Variants in MTTP observed in about 807,000 individuals in gnomAD.
MTTP encodes the protein microsomal triglyceride transfer protein.
Under a neutral mutation model 90.6 loss-of-function variants are expected in MTTP, and 49 were observed. The ratio of observed to expected loss-of-function variants is 0.54; its 90% CI spans 0.43 to 0.69. MTTP has a LOEUF of 0.69. Ranked by LOEUF, MTTP falls within the 30% of genes least tolerant of loss-of-function variation. MTTP has a pLI of 0.00. For missense variants in MTTP, 945 were observed against 1,067.5 expected, an observed-to-expected ratio of 0.89 and a Z score of 1.60; for synonymous variants, 347 against 384.2, an observed-to-expected ratio of 0.90 and a Z score of 1.13.
At chr4:99,592,235 T>A (rs1407357492) in intron 6 of MTTP, among the ~76,000 whole-genome samples, 1 of 152,194 alleles carries the variant, frequency 6.6e-6, no homozygotes. Flanking sequence ...TCTGGATGAA[T>A]CACCAAATGA....
At chr4:99,599,190 G>A (rs754301145) in intron 8 of MTTP, among the ~76,000 whole-genome samples, 22 of 152,148 alleles carry the variant, frequency 1.4e-4, no homozygotes, top group Non-Finnish European at 3.1e-4. Context: ...ATGAAACCTT[G>A]TTAATTTCTC....
At chr4:99,570,000 TC>T (rs1374339780), upstream of MTTP, among the ~76,000 whole-genome samples, 1 of 151,932 alleles carries the variant, frequency 6.6e-6, no homozygotes, top group African/African-American at 2.4e-5. Flanking sequence ...ACCACAAAGT[TC>T]CTTGTGACAC....
At chr4:99,604,202 C>T (rs949632270) in intron 10 of MTTP, among the ~76,000 whole-genome samples, 1 of 152,052 alleles carries the variant, frequency 6.6e-6, no homozygotes, top group Non-Finnish European at 1.5e-5. Context: ...TTTAAGGTAG[C>T]TACTGGGCAC....
chr4:99,607,102 T>G (rs1254238798), intron 11 of MTTP, 142 bp downstream of exon 11: 1 of 744,210 alleles, frequency 1.3e-6, no homozygotes, highest in East Asian at 2.7e-5. Flanking sequence ...AACTCTTAAA[T>G]TGCATTTGCG....
upstream of MTTP, among the ~76,000 whole-genome samples, chr4:99,572,673 A>G (rs532435226): frequency 5.3e-5 from 8 of 152,114 alleles, no homozygotes; most frequent in Admixed American, 3.3e-4. Context: ...TGCTTCACAT[A>G]TTATGTAAAA....
At chr4:99,581,739 T>A (rs1393980106) in intron 1 of MTTP, among the ~76,000 whole-genome samples, 166 bp from the exon 2 acceptor site, 4 of 152,218 alleles carry the variant, frequency 2.6e-5, no homozygotes, top group Non-Finnish European at 1.5e-5. Context: ...TTTGTTTATC[T>A]ATGTTTTTCA....
chr4:99,595,035 C>A (rs1325327466), intron 7 of MTTP, 152 bp downstream of exon 7: 6 of 833,232 alleles, frequency 7.2e-6, no homozygotes, highest in Non-Finnish European at 1.2e-5. Flanking sequence ...CAATATGCAC[C>A]TGACATAGTG....
chr4:99,613,292 T>C, intron 15 of MTTP, 152 bp downstream of exon 15: 2 of 693,698 alleles, frequency 2.9e-6, no homozygotes, highest in Non-Finnish European at 5.1e-6. Context: ...TTGGTCCCCT[T>C]TCTCCTTTAC....
In MTTP at chr4:99,608,959, G is replaced by A. The variant is rs199664737; in HGVS notation, c.1751G>A (p.Arg584His). 4 of 1,613,990 alleles carry A rather than the reference G, an allele frequency of 2.5e-6. No individual in the cohort carries two copies. The highest frequency in any genetic ancestry group is 4.5e-5 in the East Asian group (2 of 44,872). Residue 584 changes from arginine to histidine, a missense_variant, in exon 12 of 18, where the codon CGT becomes CAT. Coordinates refer to ENST00000265517, the MANE Select transcript of MTTP (RefSeq NM_001386140.1). ...CTCGCCATTGTTCAAGACATCCTACGTTTTGAAATGCCTGCAAGGTATAAT... is the reference window on the plus strand; with the variant it reads ...CTCGCCATTGTTCAAGACATCCTACATTTTGAAATGCCTGCAAGGTATAAT... Reference protein sequence around the residue: ...YMLAIVQDILRFEMPASKIVR... With the variant: ...YMLAIVQDILHFEMPASKIVR...
intron 14 of MTTP, among the ~76,000 whole-genome samples, chr4:99,611,820 A>C (rs1219874450): frequency 6.6e-6 from 1 of 152,176 alleles, no homozygotes; most frequent in African/African-American, 2.4e-5. Flanking sequence ...CTCACCCCCA[A>C]GTATTTAATT....
chr4:99,621,303 C>T (rs750734132), intron 17 of MTTP, 72 bp downstream of exon 17: 30 of 1,526,678 alleles, frequency 2.0e-5, no homozygotes, highest in Non-Finnish European at 2.5e-5. Context: ...CAGTTTAGAA[C>T]ATTCAGTTTC....
In MTTP at chr4:99,623,760, T is replaced by C. The variant is rs1726303549; in HGVS notation, c.*912T>C. ...AGAGAACATTGCTTCAAGAAACTGG[T>C]GGATTTGGATTTCCAAAATATGAAA... On this transcript the variant is annotated 3_prime_UTR_variant, in exon 18 of 18. Coordinates refer to ENST00000265517, the MANE Select transcript of MTTP (RefSeq NM_001386140.1). The C allele has an allele frequency of 6.6e-6, 1 of 152,164 alleles. No homozygotes were observed. The highest frequency in any genetic ancestry group is 2.4e-5 in the African/African-American group (1 of 41,440). 9.4% of individuals were successfully genotyped at this position (152,164 alleles called of 1,614,324 possible). A position where few individuals can be genotyped will look rare whatever the true frequency, so the allele number is the denominator to read the frequency against.
intron 7 of MTTP, among the ~76,000 whole-genome samples, chr4:99,595,261 T>G (rs900573138): frequency 6.6e-6 from 1 of 152,190 alleles, no homozygotes; most frequent in African/African-American, 2.4e-5. Flanking sequence ...TGACATACTT[T>G]ACTGGCCTCA....
At chr4:99,613,592 C>A (rs900553495) in intron 15 of MTTP, among the ~76,000 whole-genome samples, 1 of 152,282 alleles carries the variant, frequency 6.6e-6, no homozygotes, top group South Asian at 2.1e-4. Flanking sequence ...AGTAGAGGCA[C>A]AAGCAACCAC....
intron 6 of MTTP, 29 bp from the exon 7 acceptor site, chr4:99,594,704 A>G (rs1725507961): frequency 1.2e-6 from 2 of 1,612,758 alleles, no homozygotes; most frequent in East Asian, 4.5e-5. Context: ...AATGATTATA[A>G]TATAGCATTT....
chr4:99,569,637 G>A (rs913149272), intron 1 of MTTP, among the ~76,000 whole-genome samples: 7 of 151,786 alleles, frequency 4.6e-5, no homozygotes, highest in Non-Finnish European at 1.0e-4. Context: ...GGCAAAAAAA[G>A]AAAATGCAAG....
At chr4:99,564,301 G>T (rs113559475) in intron 1 of MTTP, 32 of 1,457,376 alleles carry the variant, frequency 2.2e-5, no homozygotes, top group Non-Finnish European at 2.7e-5. Context: ...ACGAAGAAAG[G>T]CTCCTAATTT....
At chr4:99,568,229 G>T (rs1294574920) in intron 1 of MTTP, among the ~76,000 whole-genome samples, 1 of 152,018 alleles carries the variant, frequency 6.6e-6, no homozygotes, top group Non-Finnish European at 1.5e-5. Context: ...ACCATTTGTA[G>T]ATGACTGAAT....
chr4:99,603,675 G>A (rs1422628647), intron 10 of MTTP, among the ~76,000 whole-genome samples: 2 of 152,188 alleles, frequency 1.3e-5, no homozygotes, highest in Non-Finnish European at 2.9e-5. Flanking sequence ...TTGGGGGTGG[G>A]AGGAGAGTAG....
Sources: allele counts gnomAD v4.1 joint callset (sites outside exome capture counted in the v4.1 genomes callset), GRCh38; gene constraint gnomAD v4.1.1; transcripts MANE v1.5; gene names NCBI Gene and HGNC (gene_info 2026-07-23, HGNC 2026-07-21).